The following NTN4 variants were observed in gnomAD, a reference collection of about 807,000 sequenced individuals.
The protein encoded by NTN4 is netrin 4, also known as netrin-4.
A neutral mutation model predicts 73.6 loss-of-function variants in NTN4; 32 were observed. The observed-to-expected ratio is 0.44, with a 90% CI of 0.33 to 0.58. The LOEUF is 0.58. Among genes scored for constraint, NTN4 ranks in the 20% least tolerant of loss-of-function variants. The pLI is 0.04. For missense variants in NTN4, 654 were observed against 798.3 expected (o/e 0.82, Z 2.18); for synonymous variants, 258 against 287.5 (o/e 0.90, Z 1.04).
At chr12:95,736,630 CT>C (rs1255174536) in intron 3 of NTN4, among the ~76,000 whole-genome samples, 15 of 152,180 alleles carry the variant, frequency 9.9e-5, no homozygotes, top group Admixed American at 9.2e-4. Flanking sequence ...TCATAGCACC[CT>C]TTATTTGAAA....
At chr12:95,712,089 C>T (rs903107088) in intron 4 of NTN4, among the ~76,000 whole-genome samples, 20 of 152,214 alleles carry the variant, frequency 1.3e-4, no homozygotes, top group Non-Finnish European at 2.4e-4. Context: ...GTTTTACCCA[C>T]AGAACCTGCT....
intron 2 of NTN4, among the ~76,000 whole-genome samples, chr12:95,769,919 G>A (rs1422046798): frequency 6.6e-6 from 1 of 152,026 alleles, no homozygotes; most frequent in African/African-American, 2.4e-5. Flanking sequence ...ACCACACCCG[G>A]CTAATTTTTG....
chr12:95,732,236 TTCTCTG>T (rs201094772), intron 3 of NTN4, among the ~76,000 whole-genome samples: 3,755 of 138,572 alleles, frequency 0.027, 74 homozygotes, highest in Middle Eastern at 0.056. Context: ...CTTTCTTTCT[TTCTCTG>T]TCTTTCTTTC....
intron 2 of NTN4, among the ~76,000 whole-genome samples, chr12:95,776,110 A>G (rs1565917027): frequency 6.6e-6 from 1 of 152,240 alleles, no homozygotes. Context: ...CCTGACTGTT[A>G]GAAGGAAAGC....
At chr12:95,695,125 C>G (rs78470483) in intron 5 of NTN4, among the ~76,000 whole-genome samples, 7 of 136,518 alleles carry the variant, frequency 5.1e-5, no homozygotes, top group African/African-American at 1.9e-4. Context: ...GAGACTGTCT[C>G]AAAAAAAAAA....
At chr12:95,745,906 C>T (rs2078858515) in intron 2 of NTN4, among the ~76,000 whole-genome samples, 1 of 152,174 alleles carries the variant, frequency 6.6e-6, no homozygotes, top group African/African-American at 2.4e-5. Flanking sequence ...CTTCGAATTA[C>T]TCTAACAATG....
chr12:95,710,961 G>A (rs1340543809), intron 4 of NTN4, among the ~76,000 whole-genome samples: 1 of 152,118 alleles, frequency 6.6e-6, no homozygotes, highest in Non-Finnish European at 1.5e-5. Flanking sequence ...CTGAGATTGC[G>A]CCACTGCACT....
chr12:95,677,617 A>G (rs762974452), intron 7 of NTN4, among the ~76,000 whole-genome samples: 5 of 152,238 alleles, frequency 3.3e-5, no homozygotes, highest in Non-Finnish European at 7.3e-5. Context: ...ATAAAAATAC[A>G]TCACAGCAAA....
chr12:95,725,376 A>G (rs2078685306), intron 3 of NTN4, among the ~76,000 whole-genome samples: 1 of 152,174 alleles, frequency 6.6e-6, no homozygotes, highest in Non-Finnish European at 1.5e-5. Context: ...AAATTCTATT[A>G]GAAATGCTGT....
At chr12:95,661,764 A>C (rs958798618) in intron 9 of NTN4, among the ~76,000 whole-genome samples, 2 of 152,220 alleles carry the variant, frequency 1.3e-5, no homozygotes, top group African/African-American at 4.8e-5. Context: ...AACCAACCAC[A>C]CAAATGTTGA....
At chr12:95,723,659 G>A (rs1027414539) in intron 3 of NTN4, among the ~76,000 whole-genome samples, 16 of 151,510 alleles carry the variant, frequency 1.1e-4, no homozygotes, top group Non-Finnish European at 7.4e-5. Context: ...GGGATTACAG[G>A]CGCCACCACA....
intron 3 of NTN4, among the ~76,000 whole-genome samples, chr12:95,720,905 A>G (rs1028468304): frequency 2.6e-5 from 4 of 152,224 alleles, no homozygotes; most frequent in African/African-American, 9.6e-5. Context: ...TAGGCATTGT[A>G]TAAATATTAA....
Position 95,710,495 on chromosome 12 carries a change from G to A in NTN4, c.1126C>T (p.Pro376Ser), listed in dbSNP as rs2078556658. ...CTCCGCAGGTCACGATAGAAGCCTG[G>A]CTTGCACCTCTGGCAATACTGTCCT... The part of the protein sequence containing the change: ...TEGQYCQRCK[P>S]GFYRDLRRPF... Residue 376 changes from proline (P) to serine (S), a missense_variant, in exon 5 of 10, where the codon CCA becomes TCA. By Grantham distance (74) the Pro-to-Ser change is moderately conservative (BLOSUM62 -1). Coordinates refer to ENST00000343702, the MANE Select transcript of NTN4 (RefSeq NM_021229.4). 3.7e-6 allele frequency: 6 copies of A among 1,614,094 alleles called. No individual in the cohort carries two copies. The East Asian group carries it at 1.1e-4, about 30-fold the overall frequency.
At chr12:95,759,483 G>C (rs2078969623) in intron 2 of NTN4, among the ~76,000 whole-genome samples, 1 of 138,236 alleles carries the variant, frequency 7.2e-6, no homozygotes, top group Admixed American at 7.0e-5. Flanking sequence ...GTCCCTAGTA[G>C]TATTTTTGTT....
intron 7 of NTN4, among the ~76,000 whole-genome samples, chr12:95,675,675 T>TA (rs972285565): frequency 2.0e-5 from 3 of 152,078 alleles, no homozygotes; most frequent in African/African-American, 4.8e-5. Context: ...TTCTTGAATT[T>TA]AAAAAAAATG....
chr12:95,678,552 C>A (rs528256350), intron 7 of NTN4, among the ~76,000 whole-genome samples: 4 of 151,800 alleles, frequency 2.6e-5, no homozygotes, highest in Non-Finnish European at 4.4e-5. Flanking sequence ...TATCAAAAAT[C>A]GATATCAAGT....
At chr12:95,707,985 T>C (rs1284665889) in intron 5 of NTN4, among the ~76,000 whole-genome samples, 1 of 152,194 alleles carries the variant, frequency 6.6e-6, no homozygotes, top group Non-Finnish European at 1.5e-5. Flanking sequence ...TATATATCTA[T>C]TCATTTAAAC....
intron 2 of NTN4, among the ~76,000 whole-genome samples, chr12:95,767,884 GA>G (rs886125913): frequency 1.3e-5 from 2 of 152,156 alleles, no homozygotes; most frequent in Non-Finnish European, 2.9e-5. Flanking sequence ...TGTAACCCAT[GA>G]CATCGTCCTT....
intron 5 of NTN4, among the ~76,000 whole-genome samples, chr12:95,686,774 G>GA (rs1332413472): frequency 1.3e-5 from 2 of 150,944 alleles, no homozygotes; most frequent in Admixed American, 6.6e-5. Context: ...AAAAAAGAAA[G>GA]AAAAAAGAAA....
Sources: allele counts gnomAD v4.1 joint callset (sites outside exome capture counted in the v4.1 genomes callset), GRCh38; gene constraint gnomAD v4.1.1; transcripts MANE v1.5; gene names NCBI Gene and HGNC (gene_info 2026-07-23, HGNC 2026-07-21).